Variants in HCN1 observed in about 807,000 individuals in gnomAD.
HCN1 encodes hyperpolarization activated cyclic nucleotide gated potassium channel 1.
HCN1 carries 13 observed loss-of-function variants against 78.9 expected under a neutral mutation model. That is an observed-to-expected ratio of 0.16 (90% CI 0.11 to 0.26). HCN1 has a LOEUF of 0.26. Among genes scored for constraint, HCN1 ranks in the 10% least tolerant of loss-of-function variants. HCN1 has a pLI of 1.00. For synonymous variants in HCN1, 552 were observed against 455.5 expected (o/e 1.21, Z -2.70); for missense variants, 810 against 1,154.3 (o/e 0.70, Z 4.32).
intron 3 of HCN1, among the ~76,000 whole-genome samples, chr5:45,459,100 C>G (rs577577416): frequency 6.6e-6 from 1 of 151,984 alleles, no homozygotes; most frequent in Admixed American, 6.6e-5. Context: ...CTTCACATCA[C>G]TATTATCCAC....
chr5:45,465,485 G>A (rs1398574772), intron 2 of HCN1, among the ~76,000 whole-genome samples: 10 of 152,014 alleles, frequency 6.6e-5, no homozygotes, highest in East Asian at 1.9e-4. Context: ...AGCCAGGTGC[G>A]GGGGCTCACA....
chr5:45,682,605 G>A (rs1295459229), intron 1 of HCN1, among the ~76,000 whole-genome samples: 1 of 151,898 alleles, frequency 6.6e-6, no homozygotes, highest in Non-Finnish European at 1.5e-5. Flanking sequence ...TTGGGAGCCT[G>A]GGAGTGCAGT....
At chr5:45,489,326 G>A (rs889449330) in intron 2 of HCN1, among the ~76,000 whole-genome samples, 5 of 152,156 alleles carry the variant, frequency 3.3e-5, no homozygotes, top group Non-Finnish European at 7.4e-5. Flanking sequence ...TTGGGGTTAA[G>A]AGCCTTGAAA....
intron 4 of HCN1, among the ~76,000 whole-genome samples, chr5:45,355,416 A>T (rs1439000515): frequency 1.3e-5 from 2 of 151,822 alleles, no homozygotes; most frequent in African/African-American, 4.8e-5. Flanking sequence ...TGAATCAGAA[A>T]CTCTACATTT....
intron 6 of HCN1, among the ~76,000 whole-genome samples, chr5:45,277,169 C>T (rs1745079107): frequency 6.6e-6 from 1 of 151,972 alleles, no homozygotes; most frequent in Non-Finnish European, 1.5e-5. Context: ...ACATATCTTG[C>T]CATTTATGGG....
In HCN1 at chr5:45,259,055, A is replaced by C. The variant is rs1008600327; in HGVS notation, c.*2866T>G. ...TTTTACTATACGAAAAAGGTAAACAAAGAAGTGGTTGAAAAATCCATGTTC... is the reference window on the plus strand; with the variant it reads ...TTTTACTATACGAAAAAGGTAAACACAGAAGTGGTTGAAAAATCCATGTTC... On this transcript the variant is annotated 3_prime_UTR_variant, in exon 8 of 8. Transcript: ENST00000303230. 2.0e-5 allele frequency: 3 copies of C among 151,944 alleles called. No homozygotes were observed. The highest frequency in any genetic ancestry group is 1.3e-4 in the Admixed American group (2 of 15,260). The allele number at this position is 151,944 out of a possible 1,614,324, so 9.4% of individuals were successfully genotyped here.
intron 1 of HCN1, among the ~76,000 whole-genome samples, chr5:45,659,221 T>C (rs375900243): frequency 2.1e-5 from 3 of 145,996 alleles, no homozygotes; most frequent in Admixed American, 6.8e-5. Context: ...CAGGGTATTC[T>C]AACAGACCTG....
At chr5:45,316,519 T>A (rs991388448) in intron 5 of HCN1, among the ~76,000 whole-genome samples, 29 of 152,116 alleles carry the variant, frequency 1.9e-4, no homozygotes, top group Non-Finnish European at 1.8e-4. Context: ...AGGGATGCCC[T>A]CTCTCACCAC....
chr5:45,693,098 G>A (rs1238471137), intron 1 of HCN1, among the ~76,000 whole-genome samples: 5 of 152,068 alleles, frequency 3.3e-5, no homozygotes, highest in East Asian at 1.9e-4. Context: ...GATCATGACC[G>A]CAAAAATTTC....
intron 6 of HCN1, among the ~76,000 whole-genome samples, chr5:45,283,602 C>A (rs1353800773): frequency 6.6e-6 from 1 of 152,078 alleles, no homozygotes; most frequent in African/African-American, 2.4e-5. Context: ...TACCATCTCA[C>A]ACTAGTCAGA....
At chr5:45,669,111 C>T (rs1746104119) in intron 1 of HCN1, among the ~76,000 whole-genome samples, 1 of 151,782 alleles carries the variant, frequency 6.6e-6, no homozygotes, top group Non-Finnish European at 1.5e-5. Context: ...CAATAGTTTA[C>T]TCAAATCTAA....
chr5:45,686,121 A>ATT (rs1190095038), intron 1 of HCN1, among the ~76,000 whole-genome samples: 1 of 148,464 alleles, frequency 6.7e-6, no homozygotes, highest in African/African-American at 2.5e-5. Context: ...ACATATATAT[A>ATT]TATTTTTTTC....
At chr5:45,291,015 T>C (rs1745361998) in intron 6 of HCN1, among the ~76,000 whole-genome samples, 1 of 152,084 alleles carries the variant, frequency 6.6e-6, no homozygotes, top group Non-Finnish European at 1.5e-5. Context: ...TGAAAATGCT[T>C]CATAAAACAC....
intron 5 of HCN1, among the ~76,000 whole-genome samples, chr5:45,312,862 A>G (rs1344552688): frequency 1.3e-5 from 2 of 152,186 alleles, no homozygotes; most frequent in African/African-American, 4.8e-5. Context: ...TAAACAAAGC[A>G]GCCTGGAGGC....
chr5:45,399,030 G>A (rs779500794), intron 3 of HCN1, among the ~76,000 whole-genome samples: 1 of 152,144 alleles, frequency 6.6e-6, no homozygotes, highest in Non-Finnish European at 1.5e-5. Context: ...GAATTTAGGT[G>A]GGAGATTTAA....
rs184658286 is a variant in HCN1, at chr5:45,572,020, T to C, written c.849+73165A>G. Among the ~76,000 whole-genome samples, 450 of 152,290 alleles carry C rather than the reference T, an allele frequency of 3.0e-3. 1 individual carries two copies. The highest frequency in any genetic ancestry group is 9.1e-3 in the African/African-American group (377 of 41,582). ...ATCCCATGTCCTTTCTCTTTAGACA[T>C]TGTGGTGTTAGATCCAATCATAATA... On this transcript the variant is annotated intron_variant, in intron 2 of 7. Coordinates refer to ENST00000303230, the MANE Select transcript of HCN1 (RefSeq NM_021072.4).
intron 2 of HCN1, among the ~76,000 whole-genome samples, chr5:45,593,644 C>CATTATT (rs71000644): frequency 0.74 from 109,345 of 146,778 alleles, 41,642 homozygotes; most frequent in Non-Finnish European, 0.83. Context: ...TAGCTATTTT[C>CATTATT]ATTATTATTA....
intron 2 of HCN1, among the ~76,000 whole-genome samples, chr5:45,551,853 ACTGT>A (rs1743377402): frequency 6.6e-6 from 1 of 151,952 alleles, no homozygotes; most frequent in Non-Finnish European, 1.5e-5. Context: ...AGGTATAAAA[ACTGT>A]CTGGCTATTT....
chr5:45,275,730 G>A (rs182140603), intron 6 of HCN1, among the ~76,000 whole-genome samples: 4 of 152,172 alleles, frequency 2.6e-5, no homozygotes, highest in South Asian at 4.1e-4. Flanking sequence ...TCAGGTAGCC[G>A]CGTGTTAGCC....
Sources: gnomAD v4.1 joint callset for allele counts (sites outside exome capture counted in the v4.1 genomes callset) on GRCh38, gnomAD v4.1.1 for gene constraint, MANE v1.5 for transcripts, NCBI Gene and HGNC (gene_info 2026-07-23, HGNC 2026-07-21) for gene names.